Variants in USP12 observed in about 807,000 individuals in gnomAD.
The protein encoded by USP12 is ubiquitin specific peptidase 12.
A neutral mutation model predicts 45.5 loss-of-function variants in USP12; 19 were observed. That is an observed-to-expected ratio of 0.42 (90% CI 0.29 to 0.61). The LOEUF (loss-of-function observed/expected upper bound fraction) is 0.61, where lower values mean the gene tolerates loss of function less well. USP12 is among the 20% of genes least tolerant of loss of function. The pLI, the probability that USP12 is intolerant of heterozygous loss-of-function variation, is 0.22. For missense variants in USP12, 242 were observed against 447.7 expected (o/e 0.54, Z 4.15); for synonymous variants, 149 against 148.8 (o/e 1.00, Z -0.01).
At chr13:27,145,867 C>A (rs892930078) in intron 1 of USP12, among the ~76,000 whole-genome samples, 2 of 151,972 alleles carry the variant, frequency 1.3e-5, no homozygotes, top group Non-Finnish European at 2.9e-5. Context: ...AGAGTACTAG[C>A]CCTTATAATT....
Position 27,090,088 on chromosome 13 carries a change from CAGTG to C in USP12, c.640_643del (p.His214AlafsTer2). 6.3e-7 allele frequency: 1 copy of C among 1,581,848 alleles called. No homozygotes were observed. Among genetic ancestry groups the C allele is most frequent in the Non-Finnish European group, 8.6e-7 (1 of 1,157,594 alleles). On this transcript the variant is annotated frameshift_variant, in exon 5 of 9. Transcript: ENST00000282344. LOFTEE classifies it high-confidence loss of function. Reference sequence around the variant, plus strand: ...TAAATAATTCTACATATACCTTAAGCAGTGAGTAATTGATGTATTTTGTTCCACG... The same window carrying C: ...TAAATAATTCTACATATACCTTAAGCAGTAATTGATGTATTTTGTTCCACG...
chr13:27,075,816 G>A (rs1188634874), intron 6 of USP12, among the ~76,000 whole-genome samples: 1 of 152,076 alleles, frequency 6.6e-6, no homozygotes, highest in Non-Finnish European at 1.5e-5. Flanking sequence ...GATCACCTGA[G>A]GTCATGAGTT....
chr13:27,110,295 G>C (rs1384468485), intron 2 of USP12, among the ~76,000 whole-genome samples: 7 of 152,062 alleles, frequency 4.6e-5, no homozygotes, highest in African/African-American at 1.7e-4. Context: ...GTCATTATGT[G>C]TCACAATCAT....
In USP12 at chr13:27,089,942, CAG is replaced by C; in HGVS notation, c.673_674del (p.Leu225ValfsTer3). On this transcript the variant is annotated frameshift_variant, in exon 6 of 9. Transcript: ENST00000282344. LOFTEE classifies it high-confidence loss of function. Reference sequence around the variant, plus strand: ...CACAGTAATACTTGTATTCACTGCACAGAGTTTCTGTGTTGCTGAAACCCCTG... The same window carrying C: ...CACAGTAATACTTGTATTCACTGCACAGTTTCTGTGTTGCTGAAACCCCTG... Reference protein sequence around the residue: ...CLRGFSNTETLCSEYKYYCEE... With the variant: ...CLRGFSNTETXCSEYKYYCEE... The C allele has an allele frequency of 1.2e-6, 2 of 1,611,074 alleles. No individual in the cohort carries two copies. The highest frequency in any genetic ancestry group is 8.5e-7 in the Non-Finnish European group (1 of 1,178,568).
At chr13:27,122,723 G>A (rs1410565747) in intron 1 of USP12, among the ~76,000 whole-genome samples, 1 of 151,832 alleles carries the variant, frequency 6.6e-6, no homozygotes, top group African/African-American at 2.4e-5. Context: ...ACTAAACAAG[G>A]TTAATATCAG....
chr13:27,152,471 G>A (rs994052952), intron 1 of USP12, among the ~76,000 whole-genome samples: 8 of 152,116 alleles, frequency 5.3e-5, no homozygotes, highest in African/African-American at 1.9e-4. Flanking sequence ...GGCTGGAAGG[G>A]GGAGGGAAAG....
At chr13:27,096,361 T>A (rs1208779886) in intron 3 of USP12, among the ~76,000 whole-genome samples, 1 of 152,214 alleles carries the variant, frequency 6.6e-6, no homozygotes, top group Non-Finnish European at 1.5e-5. Flanking sequence ...GGTTTAAGAA[T>A]CATGTTATCA....
intron 1 of USP12, among the ~76,000 whole-genome samples, chr13:27,119,952 T>C (rs2137800430): frequency 6.6e-6 from 1 of 152,362 alleles, no homozygotes; most frequent in Admixed American, 6.5e-5. Context: ...TTAACAGAAA[T>C]GATCAGGGTA....
intron 1 of USP12, among the ~76,000 whole-genome samples, chr13:27,121,538 T>C (rs111761575): frequency 0.012 from 1,892 of 152,044 alleles, 24 homozygotes; most frequent in Middle Eastern, 0.044. Flanking sequence ...AAGAGCCCCA[T>C]GAAGAAATGC....
chr13:27,106,045 T>C, intron 2 of USP12, 101 bp from the exon 3 acceptor site: 1 of 891,082 alleles, frequency 1.1e-6, no homozygotes, highest in Non-Finnish European at 1.7e-6. Flanking sequence ...TGACAATCGG[T>C]TACTACTGTT....
At chr13:27,117,217 T>A (rs1275084328) in intron 1 of USP12, among the ~76,000 whole-genome samples, 1 of 152,218 alleles carries the variant, frequency 6.6e-6, no homozygotes, top group Non-Finnish European at 1.5e-5. Context: ...ATTACATTCA[T>A]AACATGTTCT....
intron 1 of USP12, among the ~76,000 whole-genome samples, chr13:27,143,569 A>G (rs1566001996): frequency 6.6e-6 from 1 of 152,194 alleles, no homozygotes; most frequent in East Asian, 1.9e-4. Flanking sequence ...CAACTGCCAA[A>G]TCCCTCAGAT....
chr13:27,168,262 C>T (rs1048904742), intron 1 of USP12, among the ~76,000 whole-genome samples: 10 of 152,300 alleles, frequency 6.6e-5, no homozygotes, highest in African/African-American at 2.4e-4. Flanking sequence ...ACAACTTCTC[C>T]GTTGTCTGGT....
chr13:27,144,214 G>A (rs1489113232), intron 1 of USP12, among the ~76,000 whole-genome samples: 2 of 151,790 alleles, frequency 1.3e-5, no homozygotes, highest in East Asian at 1.9e-4. Context: ...AAAAAAAAGT[G>A]TCAGCCAAGT....
chr13:27,116,562 C>A lies in USP12; in HGVS notation c.83G>T (p.Gly28Val). Residue 28 changes from glycine to valine, a missense_variant, in exon 2 of 9, where the codon GGT becomes GTT. By Grantham distance (109) the Gly-to-Val change is moderately radical (BLOSUM62 -3). Transcript: ENST00000282344. ...ANASALEKEIGPEQFPVNEHY... is the reference protein window; with the variant it reads ...ANASALEKEIVPEQFPVNEHY... ...CTCATTGACCGGAAACTGTTCTGGACCAATCTCTTTCTCTAATGCCGAAGC... is the reference window on the plus strand; with the variant it reads ...CTCATTGACCGGAAACTGTTCTGGAACAATCTCTTTCTCTAATGCCGAAGC... 1 of 1,612,806 alleles carries A rather than the reference C, an allele frequency of 6.2e-7. No individual in the cohort carries two copies. Among genetic ancestry groups the A allele is most frequent in the Non-Finnish European group, 8.5e-7 (1 of 1,179,788 alleles).
chr13:27,092,548 C>G (rs932250628), intron 4 of USP12, among the ~76,000 whole-genome samples: 7 of 152,120 alleles, frequency 4.6e-5, no homozygotes, highest in African/African-American at 1.7e-4. Flanking sequence ...AGACAGTGAC[C>G]AGAAATACAC....
At chr13:27,124,731 A>G (rs1023899752) in intron 1 of USP12, among the ~76,000 whole-genome samples, 2 of 152,238 alleles carry the variant, frequency 1.3e-5, no homozygotes, top group Non-Finnish European at 2.9e-5. Context: ...ACAACAAAGA[A>G]GTGAATGTGA....
At chr13:27,092,226 A>C (rs1278757138) in intron 4 of USP12, among the ~76,000 whole-genome samples, 2 of 152,250 alleles carry the variant, frequency 1.3e-5, no homozygotes, top group African/African-American at 4.8e-5. Context: ...AAAAGTGGTA[A>C]ATAAGGGGAG....
At chr13:27,104,578 A>G (rs1318851192) in intron 3 of USP12, among the ~76,000 whole-genome samples, 1 of 152,236 alleles carries the variant, frequency 6.6e-6, no homozygotes, top group Non-Finnish European at 1.5e-5. Flanking sequence ...TAGGGGAAAC[A>G]AGATGTATTT....
Sources: allele counts gnomAD v4.1 joint callset (sites outside exome capture counted in the v4.1 genomes callset), GRCh38; gene constraint gnomAD v4.1.1; transcripts MANE v1.5; gene names NCBI Gene and HGNC (gene_info 2026-07-23, HGNC 2026-07-21).